The following SKI variants were observed in gnomAD, a reference collection of about 807,000 sequenced individuals.
SKI encodes SKI proto-oncogene, also known as ski oncogene.
SKI carries 23 observed loss-of-function variants against 59.3 expected under a neutral mutation model. The ratio of observed to expected loss-of-function variants is 0.39; its 90% CI spans 0.28 to 0.55. The LOEUF is 0.55. SKI is among the 20% of genes least tolerant of loss of function. The probability of loss-of-function intolerance (pLI) is 0.67; values close to 1 mark genes in which losing one functional copy is unlikely to be tolerated. For synonymous variants in SKI, 673 were observed against 488.6 expected (o/e 1.38, Z -4.98); for missense variants, 1,017 against 1,038.9 (o/e 0.98, Z 0.29).
chr1:2,266,654 C>T (rs1639506664), intron 1 of SKI, among the ~76,000 whole-genome samples: 1 of 152,308 alleles, frequency 6.6e-6, no homozygotes, highest in East Asian at 1.9e-4. Flanking sequence ...TGATGGGTCT[C>T]TGTGACTTCA....
intron 1 of SKI, among the ~76,000 whole-genome samples, chr1:2,274,071 A>G (rs1639688857): frequency 6.6e-6 from 1 of 151,428 alleles, no homozygotes; most frequent in African/African-American, 2.4e-5. Context: ...GGGTCAGGTG[A>G]CACCTGTAGT....
chr1:2,282,600 G>C (rs1639917942), intron 1 of SKI, among the ~76,000 whole-genome samples: 1 of 152,182 alleles, frequency 6.6e-6, no homozygotes. Context: ...TGTGGCACCA[G>C]GGCAGGGCCT....
At chr1:2,253,677 G>A (rs550943340) in intron 1 of SKI, among the ~76,000 whole-genome samples, 147 of 152,336 alleles carry the variant, frequency 9.6e-4, no homozygotes, top group African/African-American at 3.4e-3. Context: ...AGCTAGGAAC[G>A]GTGCGAGCAG....
chr1:2,285,572 G>GT (rs202029239), intron 1 of SKI, among the ~76,000 whole-genome samples: 19,793 of 145,262 alleles, frequency 0.14, 3,378 homozygotes, highest in African/African-American at 0.39. Flanking sequence ...TGTTGTTTTT[G>GT]TTTTTTTTTT....
intron 1 of SKI, among the ~76,000 whole-genome samples, chr1:2,274,911 G>T (rs1639707567): frequency 6.6e-6 from 1 of 152,208 alleles, no homozygotes; most frequent in African/African-American, 2.4e-5. Context: ...ACCCTTGTGA[G>T]GGTGGGCACA....
chr1:2,249,879 T>A, intron 1 of SKI, among the ~76,000 whole-genome samples: 1 of 152,188 alleles, frequency 6.6e-6, no homozygotes, highest in Admixed American at 6.5e-5. Flanking sequence ...GTTCGGTGTC[T>A]TGCTGCTGTT....
Position 2,229,602 on chromosome 1 carries a change from C to T in SKI, c.836C>T (p.Ala279Val). ...NRTCHWGFDS[A>V]NWRAYILLSQ... The stretch of plus-strand genomic sequence containing the variant: ...ACCTGCCACTGGGGCTTCGACTCGG[C>T]CAACTGGCGGGCCTACATCCTGCTG... Residue 279 changes from alanine (A) to valine (V), a missense_variant, in exon 1 of 7, where the codon GCC becomes GTC. Coordinates refer to ENST00000378536, the MANE Select transcript of SKI (RefSeq NM_003036.4). This position sits in a 1 kb window ranked among gnomAD's most constrained non-coding sequence, Gnocchi z 6.3. 6.2e-7 allele frequency: 1 copy of T among 1,612,584 alleles called. No individual in the cohort carries two copies. Among genetic ancestry groups the T allele is most frequent in the Non-Finnish European group, 8.5e-7 (1 of 1,179,966 alleles).
chr1:2,265,240 G>T (rs180931805), intron 1 of SKI, among the ~76,000 whole-genome samples: 4 of 152,174 alleles, frequency 2.6e-5, no homozygotes, highest in African/African-American at 9.7e-5. Flanking sequence ...TGTCTCCTGC[G>T]TCCCTCCTCT....
chr1:2,232,549 A>G (rs1412045845), intron 1 of SKI: 1 of 152,226 alleles, frequency 6.6e-6, no homozygotes, highest in Non-Finnish European at 1.5e-5. Flanking sequence ...GTCTTCCTCC[A>G]GATGCCCCCT....
intron 1 of SKI, among the ~76,000 whole-genome samples, chr1:2,272,827 C>G (rs1014837901): frequency 6.6e-6 from 1 of 152,016 alleles, no homozygotes; most frequent in East Asian, 1.9e-4. Flanking sequence ...CACCACGCCC[C>G]GAGCCTCCCC....
chr1:2,304,611 G>T, intron 5 of SKI, 26 bp downstream of exon 5: 1 of 1,531,440 alleles, frequency 6.5e-7, no homozygotes, highest in South Asian at 1.2e-5. Flanking sequence ...GGTGCTGGGA[G>T]GTCCAGGGCA....
At chr1:2,241,020 G>A (rs1040492025) in intron 1 of SKI, among the ~76,000 whole-genome samples, 1 of 152,166 alleles carries the variant, frequency 6.6e-6, no homozygotes, top group Non-Finnish European at 1.5e-5. Flanking sequence ...CTCTGTGGCC[G>A]CCCCACATCC....
Position 2,228,798 on chromosome 1 carries a change from TC to T in SKI, c.34del (p.Gln12SerfsTer15). ...GCGGCGGCAGGCGGCCGCGGCTGTT[TC>T]CAGCCGCACCCGGGGCTGCAGAAGA... Reference protein sequence around the residue: MEAAAGGRGCFQPHPGLQKTL... With the variant: MEAAAGGRGCXQPHPGLQKTL... On this transcript the variant is annotated frameshift_variant, in exon 1 of 7. Coordinates refer to ENST00000378536, the MANE Select transcript of SKI (RefSeq NM_003036.4). LOFTEE classifies it high-confidence loss of function. 1 of 1,335,016 alleles carries T rather than the reference TC, an allele frequency of 7.5e-7. No individual in the cohort carries two copies. Among genetic ancestry groups the T allele is most frequent in the South Asian group, 1.5e-5 (1 of 66,146 alleles). The allele number at this position is 1,335,016 out of a possible 1,614,324, so 82.7% of individuals were successfully genotyped here.
intron 1 of SKI, among the ~76,000 whole-genome samples, chr1:2,289,683 C>T (rs1179868601): frequency 3.3e-5 from 5 of 152,036 alleles, no homozygotes; most frequent in South Asian, 2.1e-4. Context: ...TCCCCTCCCC[C>T]GAGCCCACCG....
chr1:2,307,927 ATC>A lies in SKI; in HGVS notation c.*1164_*1165del, dbSNP rs1640639443. ...CGGGGGTCGTTCTGTGCCTTCCAGCATCTTGTACAGCAAATCCTGACTCGTGT... is the reference window on the plus strand; with the variant it reads ...CGGGGGTCGTTCTGTGCCTTCCAGCATTGTACAGCAAATCCTGACTCGTGT... On this transcript the variant is annotated 3_prime_UTR_variant, in exon 7 of 7. Coordinates refer to ENST00000378536, the MANE Select transcript of SKI (RefSeq NM_003036.4). 3 of 152,558 alleles carry A rather than the reference ATC, an allele frequency of 2.0e-5. No individual in the cohort carries two copies. Among genetic ancestry groups the A allele is most frequent in the African/African-American group, 7.2e-5 (3 of 41,440 alleles). 9.5% of individuals were successfully genotyped at this position (152,558 alleles called of 1,614,324 possible). A position where few individuals can be genotyped will look rare whatever the true frequency, so the allele number is the denominator to read the frequency against.
At chr1:2,274,426 C>T (rs1310081156) in intron 1 of SKI, among the ~76,000 whole-genome samples, 1 of 152,028 alleles carries the variant, frequency 6.6e-6, no homozygotes, top group Non-Finnish European at 1.5e-5. Context: ...TGCAGTTCCC[C>T]GTGGGCGCCG....
intron 1 of SKI, among the ~76,000 whole-genome samples, chr1:2,250,383 G>A (rs919920359): frequency 6.6e-6 from 1 of 152,196 alleles, no homozygotes; most frequent in African/African-American, 2.4e-5. Flanking sequence ...CTGCTGCCCA[G>A]GTATGCCACT....
At chr1:2,289,468 G>T (rs977670313) in intron 1 of SKI, among the ~76,000 whole-genome samples, 2 of 151,328 alleles carry the variant, frequency 1.3e-5, no homozygotes, top group East Asian at 3.9e-4. Context: ...CGAGCCCCGC[G>T]CAGGGCAGGG....
chr1:2,305,881 T>C lies in SKI; in HGVS notation c.1768-139T>C, dbSNP rs1640559945. ...GGTCGGGGCACCACACGGGTTGGGCTGATGGCGCGCTGGGGGCGGGGCTCC... is the reference window on the plus strand; with the variant it reads ...GGTCGGGGCACCACACGGGTTGGGCCGATGGCGCGCTGGGGGCGGGGCTCC... On this transcript the variant is annotated intron_variant, in intron 5 of 6. Transcript: ENST00000378536. 3 of 744,900 alleles carry C rather than the reference T, an allele frequency of 4.0e-6. No individual in the cohort carries two copies. The Admixed American group carries it at 6.1e-5, about 15-fold the overall frequency. 46.1% of individuals were successfully genotyped at this position (744,900 alleles called of 1,614,324 possible).
Sources: gnomAD v4.1 joint callset for allele counts (sites outside exome capture counted in the v4.1 genomes callset) on GRCh38, gnomAD v4.1.1 for gene constraint, Gnocchi (gnomAD v3.1) non-coding constraint, MANE v1.5 for transcripts, NCBI Gene and HGNC (gene_info 2026-07-23, HGNC 2026-07-21) for gene names.